FOXP2: variants seen among roughly 807,000 people sequenced by gnomAD.
The protein encoded by FOXP2 is forkhead box P2.
Under a neutral mutation model 115.8 loss-of-function variants are expected in FOXP2, and 12 were observed. The observed-to-expected ratio is 0.10, with a 90% CI of 0.07 to 0.17. The LOEUF is 0.17. FOXP2 is among the 10% of genes least tolerant of loss of function. The pLI, the probability that FOXP2 is intolerant of heterozygous loss-of-function variation, is 1.00. For synonymous variants in FOXP2, 328 were observed against 297.7 expected (o/e 1.10, Z -1.05); for missense variants, 629 against 843.5 (o/e 0.75, Z 3.15).
At chr7:114,674,291 A>C (rs181196035) in intron 16 of FOXP2, among the ~76,000 whole-genome samples, 312 of 152,346 alleles carry the variant, frequency 2.0e-3, no homozygotes, top group African/African-American at 6.4e-3. Flanking sequence ...TGGGAAATTT[A>C]GTAGGGCATT....
chr7:114,426,823 G>A, intron 2 of FOXP2, 144 bp downstream of exon 2: 1 of 893,724 alleles, frequency 1.1e-6, no homozygotes, highest in South Asian at 1.5e-5. Flanking sequence ...ATGATTGAAG[G>A]ATGAGTAAAG....
At chr7:114,428,052 T>C (rs1187386831) in intron 2 of FOXP2, among the ~76,000 whole-genome samples, 1 of 151,596 alleles carries the variant, frequency 6.6e-6, no homozygotes, top group Non-Finnish European at 1.5e-5. Flanking sequence ...TTTTCTGCCT[T>C]TGGTGTATTC....
intron 3 of FOXP2, 100 bp from the exon 4 acceptor site, chr7:114,628,440 G>C (rs1804712305): frequency 6.7e-7 from 1 of 1,497,384 alleles, no homozygotes; most frequent in African/African-American, 1.4e-5. Context: ...GATCATCAAT[G>C]CTAAAGAATT....
At chr7:114,391,152 A>T (rs1792590058) in intron 2 of FOXP2, among the ~76,000 whole-genome samples, 1 of 151,404 alleles carries the variant, frequency 6.6e-6, no homozygotes, top group Non-Finnish European at 1.5e-5. Context: ...GTGCCACTGT[A>T]CTCCAGCCTT....
intron 1 of FOXP2, among the ~76,000 whole-genome samples, chr7:114,209,089 G>T (rs1794277052): frequency 6.6e-6 from 1 of 152,176 alleles, no homozygotes; most frequent in Non-Finnish European, 1.5e-5. Flanking sequence ...GGAGCGATCA[G>T]ATGGAGATAA....
chr7:114,232,372 CA>C (rs913340165), intron 1 of FOXP2, among the ~76,000 whole-genome samples: 2 of 152,060 alleles, frequency 1.3e-5, no homozygotes, highest in African/African-American at 4.8e-5. Context: ...GTTATTTATA[CA>C]AAGTATTTAA....
chr7:114,337,628 G>A (rs1348740530), intron 2 of FOXP2, among the ~76,000 whole-genome samples: 1 of 150,952 alleles, frequency 6.6e-6, no homozygotes, highest in Non-Finnish European at 1.5e-5. Flanking sequence ...TAAAGACTGG[G>A]GTAAATGGTT....
chr7:114,535,920 C>A (rs902401307), intron 3 of FOXP2, among the ~76,000 whole-genome samples: 1 of 151,368 alleles, frequency 6.6e-6, no homozygotes, highest in Non-Finnish European at 1.5e-5. Flanking sequence ...TTAAAAGCAA[C>A]TTCACATTCC....
At chr7:114,106,597 T>A (rs563941301) in intron 1 of FOXP2, among the ~76,000 whole-genome samples, 5 of 152,026 alleles carry the variant, frequency 3.3e-5, no homozygotes, top group Non-Finnish European at 5.9e-5. Context: ...TACAAACAGC[T>A]GATCCAGAAA....
intron 2 of FOXP2, among the ~76,000 whole-genome samples, chr7:114,497,153 C>T (rs866109541): frequency 8.5e-5 from 13 of 152,068 alleles, no homozygotes; most frequent in South Asian, 2.1e-4. Context: ...GTAATCTAGA[C>T]TACTGACACA....
At chr7:114,405,403 T>A (rs761771695) in intron 2 of FOXP2, among the ~76,000 whole-genome samples, 1 of 151,916 alleles carries the variant, frequency 6.6e-6, no homozygotes, top group African/African-American at 2.4e-5. Flanking sequence ...ATCTATTAAT[T>A]ACACACTTCC....
intron 16 of FOXP2, among the ~76,000 whole-genome samples, chr7:114,675,787 T>C (rs183443070): frequency 2.6e-5 from 4 of 152,274 alleles, no homozygotes; most frequent in Admixed American, 2.6e-4. Flanking sequence ...CATATGACTA[T>C]AGAAATAGTC....
intron 1 of FOXP2, among the ~76,000 whole-genome samples, chr7:114,196,572 T>G (rs1347344871): frequency 3.3e-5 from 5 of 152,222 alleles, no homozygotes; most frequent in African/African-American, 1.2e-4. Flanking sequence ...GCACTCTTAG[T>G]GTTCTTAATA....
In FOXP2 at chr7:114,281,000, A is replaced by G. The variant is rs1446484456; in HGVS notation, c.-101-7019A>G. On this transcript the variant is annotated intron_variant, in intron 1 of 17. Coordinates refer to the FOXP2 transcript ENST00000634411. ...ATAGTCAACACTTAGGGTGTCTTTT[A>G]TCTCTGTCTCTCTAGCAGATCATAA... is the stretch of plus-strand genomic sequence containing the variant. Among the ~76,000 whole-genome samples the G allele has an allele frequency of 2.0e-5, 3 of 151,982 alleles. No individual in the cohort carries two copies. The East Asian group carries it at 5.8e-4, about 29-fold the overall frequency.
upstream of FOXP2, among the ~76,000 whole-genome samples, chr7:114,158,779 G>T (rs1193517226): frequency 6.6e-6 from 1 of 152,112 alleles, no homozygotes; most frequent in Non-Finnish European, 1.5e-5. Context: ...ACTTATTCTA[G>T]TGGGTTTAGA....
At chr7:114,227,502 T>C (rs117645149) in intron 1 of FOXP2, among the ~76,000 whole-genome samples, 73 of 152,142 alleles carry the variant, frequency 4.8e-4, no homozygotes, top group Middle Eastern at 6.8e-3. Context: ...GCAGTTGTAA[T>C]TCAGCACAAG....
At chr7:114,395,820 A>T (rs1316459868) in intron 2 of FOXP2, among the ~76,000 whole-genome samples, 1 of 151,164 alleles carries the variant, frequency 6.6e-6, no homozygotes, top group Non-Finnish European at 1.5e-5. Flanking sequence ...CATTTTTATG[A>T]CTGAATGGTA....
chr7:114,199,396 T>C (rs948296545), intron 1 of FOXP2, among the ~76,000 whole-genome samples: 8 of 152,064 alleles, frequency 5.3e-5, no homozygotes, highest in African/African-American at 1.9e-4. Context: ...TAAATACATA[T>C]ATAAATGAAT....
chr7:114,535,715 G>A (rs1039144537), intron 3 of FOXP2, among the ~76,000 whole-genome samples: 1 of 151,468 alleles, frequency 6.6e-6, no homozygotes, highest in Non-Finnish European at 1.5e-5. Context: ...TGGATAAAAT[G>A]TATGGTCCCT....
Sources: allele counts gnomAD v4.1 joint callset (sites outside exome capture counted in the v4.1 genomes callset), GRCh38; gene constraint gnomAD v4.1.1; transcripts MANE v1.5; gene names NCBI Gene and HGNC (gene_info 2026-07-23, HGNC 2026-07-21).